RRBP1: variants seen among roughly 807,000 people sequenced by gnomAD.
RRBP1 encodes the protein ribosome-binding protein 1.
RRBP1 carries 94 observed loss-of-function variants against 165.2 expected under a neutral mutation model. The observed-to-expected ratio is 0.57, with a 90% CI of 0.48 to 0.68. The LOEUF (loss-of-function observed/expected upper bound fraction) is 0.68. RRBP1 is among the 30% of genes least tolerant of loss of function. RRBP1 has a pLI of 0.00. For missense variants in RRBP1, 1,676 were observed against 1,763.0 expected, an observed-to-expected ratio of 0.95 and a Z score of 0.88; for synonymous variants, 680 against 714.5, an observed-to-expected ratio of 0.95 and a Z score of 0.77.
chr20:17,618,849 CG>C, intron 19 of RRBP1, 170 bp from the exon 20 acceptor site: 1 of 610,350 alleles, frequency 1.6e-6, no homozygotes, highest in South Asian at 1.9e-5. Flanking sequence ...CCTACAGCTA[CG>C]ATTTCTTTTT....
chr20:17,623,595 C>T (rs1439494885), intron 13 of RRBP1, among the ~76,000 whole-genome samples: 4 of 152,166 alleles, frequency 2.6e-5, no homozygotes, highest in Non-Finnish European at 4.4e-5. Context: ...CTCTGTTCCC[C>T]GAGTGCTCGC....
chr20:17,614,903 G>A, intron 23 of RRBP1, 23 bp from the exon 24 acceptor site: 1 of 1,610,760 alleles, frequency 6.2e-7, no homozygotes, highest in Non-Finnish European at 8.5e-7. Flanking sequence ...AGGTTGACGG[G>A]CATCAGCCCT....
In RRBP1 at chr20:17,629,812, G is replaced by A. The variant is rs759943789; in HGVS notation, c.2749+11C>T. 24 of 1,592,954 alleles carry A rather than the reference G, an allele frequency of 1.5e-5. No homozygotes were observed. The highest frequency in any genetic ancestry group is 2.2e-5 in the South Asian group (2 of 90,634). On this transcript the variant is annotated intron_variant, in intron 9 of 24. Transcript: ENST00000377813. The stretch of plus-strand genomic sequence containing the variant: ...GCACTGAACCCCCGGCCCCACTGCC[G>A]CCGCCCTTACCGGCCATCTGCTGCT...
intron 13 of RRBP1, chr20:17,623,269 G>T: frequency 6.6e-6 from 1 of 152,392 alleles, no homozygotes. Flanking sequence ...TTCACCTCCT[G>T]CCCTAGCTAG....
intron 2 of RRBP1, among the ~76,000 whole-genome samples, chr20:17,662,946 A>C (rs1447591165): frequency 1.3e-5 from 2 of 152,140 alleles, no homozygotes; most frequent in African/African-American, 4.8e-5. Context: ...GAAGCTGAGG[A>C]GGGAGGATCG....
At chr20:17,625,649 G>A (rs1217504751) in intron 11 of RRBP1, 47 bp from the exon 12 acceptor site, 2 of 1,511,736 alleles carry the variant, frequency 1.3e-6, no homozygotes, top group South Asian at 1.1e-5. Context: ...AGGGGCTACA[G>A]CCCCTACAGA....
chr20:17,616,056 T>C (rs1193809282), intron 21 of RRBP1, 47 bp from the exon 22 acceptor site: 3 of 1,532,432 alleles, frequency 2.0e-6, no homozygotes, highest in African/African-American at 2.7e-5. Context: ...TGAGGAACCC[T>C]CCAGGGGCCC....
chr20:17,629,253 AGGGCCAC>A (rs2036098321), intron 9 of RRBP1, among the ~76,000 whole-genome samples: 1 of 152,188 alleles, frequency 6.6e-6, no homozygotes, highest in South Asian at 2.1e-4. Flanking sequence ...CAGTGAGCCA[AGGGCCAC>A]GGGCCTCTCA....
At chr20:17,657,227 G>A (rs2036660546) in intron 3 of RRBP1, among the ~76,000 whole-genome samples, 1 of 152,232 alleles carries the variant, frequency 6.6e-6, no homozygotes, top group African/African-American at 2.4e-5. Context: ...GAGCGTCTGG[G>A]TTTTCAAAGG....
In RRBP1 at chr20:17,613,905, G is replaced by C. The variant is rs2035739447; in HGVS notation, c.*277C>G. On this transcript the variant is annotated 3_prime_UTR_variant, in exon 25 of 25. Coordinates refer to ENST00000377813, the MANE Select transcript of RRBP1 (RefSeq NM_001365613.2). ...GCGCCCGGCCTCCCACACACCCACG[G>C]GGCTGTCAGAGTCAACCAGGGCTTT... is the stretch of plus-strand genomic sequence containing the variant. 1 of 433,696 alleles carries C rather than the reference G, an allele frequency of 2.3e-6. No homozygotes were observed. Among genetic ancestry groups the C allele is most frequent in the South Asian group, 3.4e-5 (1 of 29,804 alleles). The allele number at this position is 433,696 out of a possible 1,614,324, so 26.9% of individuals were successfully genotyped here.
chr20:17,642,855 T>A, intron 4 of RRBP1, 124 bp downstream of exon 4: 1 of 1,114,138 alleles, frequency 9.0e-7, no homozygotes, highest in Non-Finnish European at 1.3e-6. Flanking sequence ...GGTGGCAGAA[T>A]TCTGCCAGGA....
intron 9 of RRBP1, among the ~76,000 whole-genome samples, chr20:17,627,906 A>G (rs1288734861): frequency 6.6e-6 from 1 of 152,232 alleles, no homozygotes; most frequent in Admixed American, 6.5e-5. Flanking sequence ...CCGTCAGGGT[A>G]GAATGCAATG....
At chr20:17,672,964 C>G (rs2037005983) in intron 2 of RRBP1, among the ~76,000 whole-genome samples, 1 of 152,134 alleles carries the variant, frequency 6.6e-6, no homozygotes, top group South Asian at 2.1e-4. Context: ...GCAGGTATTC[C>G]CTGCCCACGA....
chr20:17,650,874 A>C (rs896914458), intron 3 of RRBP1, among the ~76,000 whole-genome samples: 9 of 152,196 alleles, frequency 5.9e-5, no homozygotes, highest in South Asian at 2.1e-4. Flanking sequence ...ACAAAGACTC[A>C]ATCTGAGGAT....
intron 9 of RRBP1, 132 bp from the exon 10 acceptor site, chr20:17,627,814 G>T: frequency 1.2e-6 from 1 of 834,864 alleles, no homozygotes; most frequent in Non-Finnish European, 1.8e-6. Flanking sequence ...TGTGTGTCTG[G>T]GGCTCTTAAG....
chr20:17,675,557 G>A (rs2037064760), intron 2 of RRBP1, among the ~76,000 whole-genome samples: 1 of 150,632 alleles, frequency 6.6e-6, no homozygotes, highest in African/African-American at 2.4e-5. Flanking sequence ...GGGAGTGGGG[G>A]TGGGAGAGCG....
At chr20:17,657,474 A>G (rs924544109) in intron 3 of RRBP1, among the ~76,000 whole-genome samples, 1 of 152,168 alleles carries the variant, frequency 6.6e-6, no homozygotes, top group African/African-American at 2.4e-5. Context: ...AGGTACAAAC[A>G]TTTCACACCT....
rs2036741014 is a variant in RRBP1, at chr20:17,660,357, T to C, written c.151A>G (p.Lys51Glu). 38 of 1,614,144 alleles carry C rather than the reference T, an allele frequency of 2.4e-5. No individual in the cohort carries two copies. Among genetic ancestry groups the C allele is most frequent in the Non-Finnish European group, 3.2e-5 (38 of 1,180,002 alleles). Residue 51 changes from lysine (K) to glutamate (E), a missense_variant, in exon 3 of 25, where the codon AAA becomes GAA. By Grantham distance (56) the Lys-to-Glu change is moderately conservative. Around this residue, in one of 5 missense-constraint regions of RRBP1, gnomAD observed 392 missense variants for 382.5 expected, o/e 1.02. Coordinates refer to ENST00000377813, the MANE Select transcript of RRBP1 (RefSeq NM_001365613.2). Reference protein sequence around the residue: ...ALANQRKEMAKTHHQKVEKKK... With the variant: ...ALANQRKEMAETHHQKVEKKK... ...TTCTCGACTTTCTGGTGGTGAGTTT[T>C]CGCCATCTCCTTGCGCTGGTTGGCT...
At position 17,616,909 on chromosome 20, in the gene RRBP1, G is replaced by T. The variant is rs1401603235; in HGVS notation, c.3760-70C>A. On this transcript the variant is annotated intron_variant, in intron 20 of 24. Transcript: ENST00000377813. ...CACCCACCATGCTCACTCCTGCAGG[G>T]ACCCCCTCGGAGGACCGTAGCTGCT... The T allele has an allele frequency of 9.0e-5, 110 of 1,221,712 alleles. No homozygotes were observed. The South Asian group carries it at 1.3e-3, about 15-fold the overall frequency. The allele number at this position is 1,221,712 out of a possible 1,614,324, so 75.7% of individuals were successfully genotyped here. A position where few individuals can be genotyped will look rare whatever the true frequency, so the allele number is the denominator to read the frequency against.
Sources: gnomAD v4.1 joint callset for allele counts (sites outside exome capture counted in the v4.1 genomes callset) on GRCh38, gnomAD v4.1.1 for gene constraint, gnomAD v4.1.1 regional missense constraint, MANE v1.5 for transcripts, NCBI Gene and HGNC (gene_info 2026-07-23, HGNC 2026-07-21) for gene names.